LPP: variants seen among roughly 807,000 people sequenced by gnomAD.
LPP encodes lipoma-preferred partner.
LPP carries 38 observed loss-of-function variants against 60.4 expected under a neutral mutation model. That is an observed-to-expected ratio of 0.63 (90% CI 0.49 to 0.83). The LOEUF (loss-of-function observed/expected upper bound fraction) is 0.83, where lower values mean the gene tolerates loss of function less well. Among genes scored for constraint, LPP ranks in the 40% least tolerant of loss-of-function variants. The probability of loss-of-function intolerance (pLI) is 0.00; values close to 1 mark genes in which losing one functional copy is unlikely to be tolerated. For synonymous variants in LPP, 328 were observed against 290.8 expected (o/e 1.13, Z -1.30); for missense variants, 902 against 783.6 (o/e 1.15, Z -1.80).
At chr3:188,459,821 A>G (rs1267114477) in intron 4 of LPP, among the ~76,000 whole-genome samples, 3 of 136,226 alleles carry the variant, frequency 2.2e-5, no homozygotes, top group Non-Finnish European at 4.7e-5. Context: ...CCTCTTAGCA[A>G]TCTATATTGA....
intron 3 of LPP, among the ~76,000 whole-genome samples, chr3:188,370,852 C>G (rs11715716): frequency 0.36 from 54,794 of 152,094 alleles, 11,091 homozygotes; most frequent in Middle Eastern, 0.61. Flanking sequence ...TGATTTTTCT[C>G]ACGCCTGCGT....
chr3:188,663,895 A>C (rs538006201), intron 7 of LPP, among the ~76,000 whole-genome samples: 3 of 152,276 alleles, frequency 2.0e-5, no homozygotes, highest in East Asian at 3.9e-4. Flanking sequence ...TGAGAATCTA[A>C]TGCCACCACC....
At chr3:188,597,841 A>G (rs6807988) in intron 6 of LPP, among the ~76,000 whole-genome samples, 46,238 of 152,090 alleles carry the variant, frequency 0.3, 7,766 homozygotes, top group Non-Finnish European at 0.38. Flanking sequence ...GAATAAAAAC[A>G]TATGGAAAAA....
At chr3:188,660,809 G>A (rs1405552249) in intron 7 of LPP, among the ~76,000 whole-genome samples, 3 of 152,178 alleles carry the variant, frequency 2.0e-5, no homozygotes, top group East Asian at 3.9e-4. Context: ...GACGAGAGTG[G>A]CACATTAGTT....
intron 9 of LPP, among the ~76,000 whole-genome samples, chr3:188,820,000 A>G (rs923535398): frequency 6.6e-6 from 1 of 152,158 alleles, no homozygotes; most frequent in African/African-American, 2.4e-5. Context: ...TAGCCTAGAA[A>G]TTTCAGAAGG....
chr3:188,487,108 G>A (rs535259444), intron 5 of LPP, among the ~76,000 whole-genome samples: 2 of 152,230 alleles, frequency 1.3e-5, no homozygotes, highest in Admixed American at 6.5e-5. Flanking sequence ...CAGAAGACTC[G>A]TGATTGAAAA....
chr3:188,715,941 T>C (rs1191953076), intron 8 of LPP, among the ~76,000 whole-genome samples: 1 of 152,238 alleles, frequency 6.6e-6, no homozygotes, highest in Non-Finnish European at 1.5e-5. Context: ...ACAGTAGATT[T>C]TTAAGCATAG....
chr3:188,838,217 T>A (rs1758972932), intron 9 of LPP, among the ~76,000 whole-genome samples: 1 of 152,220 alleles, frequency 6.6e-6, no homozygotes, highest in Admixed American at 6.5e-5. Flanking sequence ...CCTTTTTTAC[T>A]TTATTATTCC....
chr3:188,482,120 C>T (rs1264656390), intron 4 of LPP, among the ~76,000 whole-genome samples: 1 of 152,142 alleles, frequency 6.6e-6, no homozygotes, highest in Non-Finnish European at 1.5e-5. Context: ...TCTTTCCTGC[C>T]ACTATGTGAG....
chr3:188,232,214 G>T (rs1720256380), intron 2 of LPP, among the ~76,000 whole-genome samples: 1 of 152,162 alleles, frequency 6.6e-6, no homozygotes, highest in Admixed American at 6.5e-5. Flanking sequence ...TTATGGTCAA[G>T]CTTATTAGTG....
rs557648282 is a variant in LPP, at chr3:188,625,226, AAT to A, written c.1113+15385_1113+15386del. Among the ~76,000 whole-genome samples the A allele has an allele frequency of 1.6e-4, 24 of 152,282 alleles. No homozygotes were observed. In the South Asian group the frequency reaches 4.8e-3, roughly 30 times the overall value. On this transcript the variant is annotated intron_variant, in intron 7 of 11. Transcript: ENST00000617246. ...TATTTAGACCTTCAGAGATGAAATA[AAT>A]ATGTTGCCTTTGCTTTTCAAAGATG... is the stretch of plus-strand genomic sequence containing the variant.
chr3:188,825,295 G>C (rs1755156801), intron 9 of LPP, among the ~76,000 whole-genome samples: 1 of 150,742 alleles, frequency 6.6e-6, no homozygotes, highest in Non-Finnish European at 1.5e-5. Flanking sequence ...GTGTGTGTGT[G>C]TGTGTGTGTG....
At chr3:188,842,058 C>T (rs768525931) in intron 9 of LPP, among the ~76,000 whole-genome samples, 1 of 152,206 alleles carries the variant, frequency 6.6e-6, no homozygotes, top group Non-Finnish European at 1.5e-5. Flanking sequence ...CCCGATTGCA[C>T]TGGCCAGAAC....
chr3:188,487,907 T>G (rs1474931192), intron 5 of LPP, among the ~76,000 whole-genome samples: 1 of 152,182 alleles, frequency 6.6e-6, no homozygotes, highest in Non-Finnish European at 1.5e-5. Context: ...CTAAGAGTGA[T>G]TATAAGAGTT....
chr3:188,277,814 G>A (rs1478149303), intron 2 of LPP, among the ~76,000 whole-genome samples: 1 of 152,202 alleles, frequency 6.6e-6, no homozygotes, highest in Non-Finnish European at 1.5e-5. Context: ...CCACACGGTT[G>A]ATCATGCTGA....
intron 6 of LPP, among the ~76,000 whole-genome samples, chr3:188,587,679 TTTAGA>T (rs1329863086): frequency 6.6e-6 from 1 of 152,224 alleles, no homozygotes; most frequent in Non-Finnish European, 1.5e-5. Context: ...GAATTTGGAA[TTTAGA>T]TTAAGAGATT....
At chr3:188,350,885 G>C (rs1307953376) in intron 3 of LPP, among the ~76,000 whole-genome samples, 1 of 152,160 alleles carries the variant, frequency 6.6e-6, no homozygotes, top group Non-Finnish European at 1.5e-5. Context: ...CAGAGGGCCA[G>C]CTCTTATAAA....
intron 6 of LPP, among the ~76,000 whole-genome samples, chr3:188,600,527 T>C (rs551797670): frequency 6.6e-6 from 1 of 151,844 alleles, no homozygotes; most frequent in Non-Finnish European, 1.5e-5. Flanking sequence ...TGATACATAT[T>C]ATTATTTTTA....
chr3:188,839,967 A>C (rs897349801), intron 9 of LPP, among the ~76,000 whole-genome samples: 4 of 152,216 alleles, frequency 2.6e-5, no homozygotes, highest in African/African-American at 9.6e-5. Flanking sequence ...ACAAATAATA[A>C]ATTATAAATT....
Sources: gnomAD v4.1 joint callset for allele counts (sites outside exome capture counted in the v4.1 genomes callset) on GRCh38, gnomAD v4.1.1 for gene constraint, MANE v1.5 for transcripts, NCBI Gene and HGNC (gene_info 2026-07-23, HGNC 2026-07-21) for gene names.